The following GRIA4 variants were observed in gnomAD, a reference collection of about 807,000 sequenced individuals.
The protein encoded by GRIA4 is glutamate ionotropic receptor AMPA type subunit 4.
In GRIA4, 34 loss-of-function variants were observed where a neutral mutation model predicts 104.0. That is an observed-to-expected ratio of 0.33 (90% CI 0.25 to 0.44). The LOEUF (loss-of-function observed/expected upper bound fraction) is 0.44, where lower values mean the gene tolerates loss of function less well. GRIA4 is among the 20% of genes least tolerant of loss of function. GRIA4 has a pLI of 1.00. For synonymous variants in GRIA4, 386 were observed against 381.9 expected (o/e 1.01, Z -0.13); for missense variants, 750 against 1,096.5 (o/e 0.68, Z 4.46).
chr11:105,766,838 C>G (rs1175213697), intron 4 of GRIA4, among the ~76,000 whole-genome samples: 1 of 152,142 alleles, frequency 6.6e-6, no homozygotes, highest in African/African-American at 2.4e-5. Flanking sequence ...ACTCTTGCCA[C>G]ATGTGTAAGA....
chr11:105,827,290 T>C (rs1943806489), intron 4 of GRIA4, among the ~76,000 whole-genome samples: 1 of 152,048 alleles, frequency 6.6e-6, no homozygotes, highest in Non-Finnish European at 1.5e-5. Context: ...AGTAAAATAA[T>C]ATTTGTTATA....
intron 3 of GRIA4, among the ~76,000 whole-genome samples, chr11:105,732,477 G>A (rs1341442117): frequency 6.6e-6 from 1 of 152,166 alleles, no homozygotes; most frequent in African/African-American, 2.4e-5. Context: ...ATGGTTTAGG[G>A]AGAAGTGTGG....
intron 3 of GRIA4, among the ~76,000 whole-genome samples, chr11:105,715,060 GA>G (rs1954044173): frequency 1.3e-5 from 2 of 151,976 alleles, no homozygotes; most frequent in Non-Finnish European, 2.9e-5. Context: ...TTAAAAATCT[GA>G]AAAAAACAGC....
intron 3 of GRIA4, among the ~76,000 whole-genome samples, chr11:105,695,048 C>G (rs958170092): frequency 5.3e-5 from 8 of 152,098 alleles, no homozygotes; most frequent in Admixed American, 3.3e-4. Flanking sequence ...AAGTCTGAAC[C>G]CAAGATCTTA....
intron 3 of GRIA4, among the ~76,000 whole-genome samples, chr11:105,622,215 A>T (rs1051955670): frequency 7.9e-5 from 12 of 151,810 alleles, no homozygotes; most frequent in African/African-American, 2.9e-4. Context: ...TGTTAGCATA[A>T]AAAAGGCATT....
At chr11:105,704,923 T>G (rs1254853325) in intron 3 of GRIA4, among the ~76,000 whole-genome samples, 1 of 152,030 alleles carries the variant, frequency 6.6e-6, no homozygotes, top group East Asian at 1.9e-4. Flanking sequence ...TAAAAGTTCA[T>G]ATGGAAAAAC....
intron 14 of GRIA4, among the ~76,000 whole-genome samples, chr11:105,947,121 A>G (rs921455161): frequency 2.0e-5 from 3 of 152,218 alleles, no homozygotes; most frequent in Non-Finnish European, 4.4e-5. Flanking sequence ...ATCAAAACAT[A>G]ATATCTATTT....
intron 3 of GRIA4, among the ~76,000 whole-genome samples, chr11:105,743,815 A>T (rs1347712534): frequency 6.6e-6 from 1 of 152,138 alleles, no homozygotes; most frequent in Non-Finnish European, 1.5e-5. Context: ...ACAAACAAGA[A>T]GTCATCTTTC....
intron 4 of GRIA4, among the ~76,000 whole-genome samples, chr11:105,754,647 A>G (rs988203006): frequency 9.9e-5 from 15 of 152,208 alleles, no homozygotes; most frequent in African/African-American, 3.4e-4. Flanking sequence ...GGAACAACTT[A>G]AGGAGTTGCC....
At chr11:105,667,331 G>A (rs1952196231) in intron 3 of GRIA4, among the ~76,000 whole-genome samples, 1 of 151,850 alleles carries the variant, frequency 6.6e-6, no homozygotes, top group Admixed American at 6.6e-5. Context: ...GTTACTGGAT[G>A]CCTAGAAATT....
intron 3 of GRIA4, among the ~76,000 whole-genome samples, chr11:105,740,826 G>A (rs533792028): frequency 6.6e-6 from 1 of 152,280 alleles, no homozygotes; most frequent in South Asian, 2.1e-4. Flanking sequence ...AAGAAAAAGG[G>A]AGAGTTTGGC....
intron 10 of GRIA4, chr11:105,913,239 A>G: frequency 2.4e-6 from 1 of 417,144 alleles, no homozygotes; most frequent in Non-Finnish European, 3.2e-6. Flanking sequence ...CAGACCAGAA[A>G]CATAATTAAG....
chr11:105,964,463 T>C (rs2136270224), intron 14 of GRIA4, among the ~76,000 whole-genome samples: 1 of 152,336 alleles, frequency 6.6e-6, no homozygotes, highest in South Asian at 2.1e-4. Context: ...TAATTAGTGG[T>C]AAAATATGCA....
At chr11:105,817,379 G>A (rs1314240320) in intron 4 of GRIA4, among the ~76,000 whole-genome samples, 2 of 150,092 alleles carry the variant, frequency 1.3e-5, no homozygotes, top group Non-Finnish European at 3.0e-5. Context: ...ACTTATTGTG[G>A]TGTTTACACA....
chr11:105,611,081 A>T lies in GRIA4; in HGVS notation c.84A>T (p.Gln28His). ...LAMGAFPSSV[Q>H]IGGLFIRNTD... ...TGGGAGCCTTTCCGAGCAGCGTGCA[A>T]ATAGGTAAGGTGTGCTCCGATGGGG... is the stretch of plus-strand genomic sequence containing the variant. The change falls in exon 2 of 17, where the codon CAA (glutamine) becomes CAT (histidine). Residue 28 changes from glutamine to histidine, a missense_variant. Physicochemically the swap from Gln to His is conservative, Grantham distance 24. This residue lies in a region of GRIA4 where 410 missense variants were observed against 502.7 expected (regional missense o/e 0.82). Coordinates refer to ENST00000282499, the MANE Select transcript of GRIA4 (RefSeq NM_000829.4). 6.2e-7 allele frequency: 1 copy of T among 1,610,688 alleles called. No homozygotes were observed. Among genetic ancestry groups the T allele is most frequent in the Non-Finnish European group, 8.5e-7 (1 of 1,177,042 alleles).
chr11:105,845,733 A>C (rs1944565295), intron 4 of GRIA4, among the ~76,000 whole-genome samples: 2 of 151,948 alleles, frequency 1.3e-5, no homozygotes, highest in Non-Finnish European at 2.9e-5. Context: ...AATACAAAAA[A>C]ATTAGCCAGG....
At chr11:105,713,931 C>T (rs965249999) in intron 3 of GRIA4, among the ~76,000 whole-genome samples, 9 of 152,070 alleles carry the variant, frequency 5.9e-5, no homozygotes, top group East Asian at 1.9e-4. Context: ...AGACCTTCAG[C>T]GGCTCTTCAG....
chr11:105,666,140 C>CCATG (rs1467143919), intron 3 of GRIA4, among the ~76,000 whole-genome samples: 2 of 151,916 alleles, frequency 1.3e-5, no homozygotes, highest in African/African-American at 4.8e-5. Context: ...TAACTTTAAA[C>CCATG]CATGGCCTCT....
chr11:105,788,533 A>G (rs1942074439), intron 4 of GRIA4, among the ~76,000 whole-genome samples: 2 of 152,206 alleles, frequency 1.3e-5, no homozygotes, highest in Non-Finnish European at 2.9e-5. Context: ...TATATATAGT[A>G]CATATACAAC....
Sources: gnomAD v4.1 joint callset for allele counts (sites outside exome capture counted in the v4.1 genomes callset) on GRCh38, gnomAD v4.1.1 for gene constraint, gnomAD v4.1.1 regional missense constraint, MANE v1.5 for transcripts, NCBI Gene and HGNC (gene_info 2026-07-23, HGNC 2026-07-21) for gene names.